The following WAC variants were observed in gnomAD, a reference collection of about 807,000 sequenced individuals.
WAC encodes WW domain containing adaptor with coiled-coil.
A neutral mutation model predicts 79.6 loss-of-function variants in WAC; 11 were observed. The ratio of observed to expected loss-of-function variants is 0.14; its 90% CI spans 0.09 to 0.23. The LOEUF is 0.23. WAC is among the 10% of genes least tolerant of loss of function. WAC has a pLI of 1.00. For synonymous variants in WAC, 304 were observed against 276.9 expected (o/e 1.10, Z -0.97); for missense variants, 728 against 773.5 (o/e 0.94, Z 0.70).
Position 28,534,028 on chromosome 10 carries a change from T to A in WAC, c.72T>A (p.Pro24=). 6.3e-7 allele frequency: 1 copy of A among 1,590,286 alleles called. No individual in the cohort carries two copies. Among genetic ancestry groups the A allele is most frequent in the South Asian group, 1.1e-5 (1 of 89,550 alleles). The change falls in exon 2 of 14, where the codon CCT becomes CCA. Residue 24 remains proline, a synonymous_variant. Coordinates refer to ENST00000354911, the MANE Select transcript of WAC (RefSeq NM_016628.5). ...GCHDRRGDSQ[P]YQALKYSSKS... ...ACGACCGGAGGGGGGACTCGCAGCC[T>A]TACCAGGTACCAGCCGAGGCCGGGG...
chr10:28,616,075 ATCTT>A, intron 11 of WAC, 94 bp from the exon 12 acceptor site: 6 of 967,602 alleles, frequency 6.2e-6, no homozygotes, highest in Non-Finnish European at 8.8e-6. Flanking sequence ...GAATTTGGAT[ATCTT>A]TAAGTTAATA....
At chr10:28,612,049 A>T (rs1177719995) in intron 10 of WAC, 127 bp downstream of exon 10, 14 of 1,122,546 alleles carry the variant, frequency 1.2e-5, no homozygotes, top group African/African-American at 1.6e-5. Context: ...AATGACAGGT[A>T]TGATAGTAGA....
intron 2 of WAC, among the ~76,000 whole-genome samples, chr10:28,535,048 C>A (rs1341747029): frequency 6.6e-6 from 1 of 151,066 alleles, no homozygotes; most frequent in East Asian, 1.9e-4. Flanking sequence ...TTTCCCACAC[C>A]TGGGAGAGTA....
intron 4 of WAC, chr10:28,589,049 T>C (rs1839966714): frequency 6.6e-6 from 1 of 152,216 alleles, no homozygotes; most frequent in African/African-American, 2.4e-5. Context: ...ATCTTTCTAA[T>C]TTCATTATGT....
rs1170520469 is a variant in WAC at position 28,617,804 on chromosome 10, A to G, written c.1874+20A>G. On this transcript the variant is annotated intron_variant, in intron 13 of 13. Transcript: ENST00000354911. Reference sequence around the variant, plus strand: ...GCAAAGGTAAGTCTTTCACTGAAATATATTTTTATGTTTCTCAGGATTATG... The same window carrying G: ...GCAAAGGTAAGTCTTTCACTGAAATGTATTTTTATGTTTCTCAGGATTATG... The G allele has an allele frequency of 1.9e-6, 3 of 1,563,916 alleles. No homozygotes were observed. In the East Asian group the frequency reaches 6.8e-5, roughly 36 times the overall value.
chr10:28,551,197 G>A (rs1837649081), intron 3 of WAC, among the ~76,000 whole-genome samples: 1 of 152,148 alleles, frequency 6.6e-6, no homozygotes. Flanking sequence ...TTACACATCC[G>A]TAAAACTTCT....
chr10:28,601,647 A>G (rs1305311764), intron 7 of WAC, among the ~76,000 whole-genome samples: 2 of 152,198 alleles, frequency 1.3e-5, no homozygotes, highest in Non-Finnish European at 2.9e-5. Context: ...TTAGATAGAA[A>G]CAATCAAGTG....
rs569800060 is a variant in WAC at position 28,617,687 on chromosome 10, A to T, written c.1777A>T (p.Met593Leu). The change falls in exon 13 of 14, where the codon ATG (methionine) becomes TTG (leucine). Residue 593 changes from methionine (M) to leucine (L), a missense_variant. Transcript: ENST00000354911. ...ASRLREEAHNMGTIHMSEICT... is the reference protein window; with the variant it reads ...ASRLREEAHNLGTIHMSEICT... Reference sequence around the variant, plus strand: ...AAGATTACGCGAAGAAGCGCATAACATGGGAACTATTCACATGTCCGAAAT... The same window carrying T: ...AAGATTACGCGAAGAAGCGCATAACTTGGGAACTATTCACATGTCCGAAAT... 11 of 1,592,714 alleles carry T rather than the reference A, an allele frequency of 6.9e-6. No homozygotes were observed. Among genetic ancestry groups the T allele is most frequent in the Non-Finnish European group, 8.5e-6 (10 of 1,173,854 alleles).
In WAC at chr10:28,573,424, T is replaced by TA. The variant is rs1272123631; in HGVS notation, c.275-9974dup. Among the ~76,000 whole-genome samples the TA allele has an allele frequency of 3.9e-5, 6 of 152,234 alleles. No homozygotes were observed. The South Asian group carries it at 1.0e-3, about 26-fold the overall frequency. On this transcript the variant is annotated intron_variant, in intron 3 of 13. Coordinates refer to ENST00000354911, the MANE Select transcript of WAC (RefSeq NM_016628.5). ...TCTTTTGTGACTGGCTTCTTTCACT[T>TA]AGTGTTTGCAAAGCTCACCCATATT...
At chr10:28,594,985 G>A (rs1249889768) in intron 6 of WAC, among the ~76,000 whole-genome samples, 3 of 152,126 alleles carry the variant, frequency 2.0e-5, no homozygotes, top group Non-Finnish European at 4.4e-5. Flanking sequence ...AAGTATTTTT[G>A]TGGCTTTAAA....
intron 3 of WAC, among the ~76,000 whole-genome samples, chr10:28,579,143 CT>C (rs1296708252): frequency 1.3e-4 from 20 of 151,846 alleles, no homozygotes; most frequent in African/African-American, 3.6e-4. Context: ...ATCCCACTTA[CT>C]CACTGATACA....
At position 28,622,630 on chromosome 10, in the gene WAC, T is replaced by C. The variant is rs1841733936; in HGVS notation, c.*3024T>C. The C allele has an allele frequency of 1.3e-5, 2 of 152,170 alleles. No homozygotes were observed. The highest frequency in any genetic ancestry group is 4.1e-4 in the South Asian group (2 of 4,828). The allele number at this position is 152,170 out of a possible 1,614,324, so 9.4% of individuals were successfully genotyped here. A position where few individuals can be genotyped will look rare whatever the true frequency, so the allele number is the denominator to read the frequency against. On this transcript the variant is annotated 3_prime_UTR_variant, in exon 14 of 14. Transcript: ENST00000354911. Reference sequence around the variant, plus strand: ...CCAGACTAAAAACATGCTTCAGCCCTGTTTCAAGACATTATGCTTCTTTTA... The same window carrying C: ...CCAGACTAAAAACATGCTTCAGCCCCGTTTCAAGACATTATGCTTCTTTTA...
chr10:28,549,748 A>G (rs921621047), intron 3 of WAC, among the ~76,000 whole-genome samples: 5 of 152,224 alleles, frequency 3.3e-5, no homozygotes, highest in Non-Finnish European at 7.3e-5. Context: ...TATACTTATC[A>G]GATACATTTT....
At chr10:28,599,007 T>G (rs992696662) in intron 7 of WAC, among the ~76,000 whole-genome samples, 3 of 152,204 alleles carry the variant, frequency 2.0e-5, no homozygotes, top group Non-Finnish European at 4.4e-5. Context: ...ACTTTAATCT[T>G]TACAGATTGT....
intron 3 of WAC, among the ~76,000 whole-genome samples, chr10:28,560,811 T>C (rs1838263149): frequency 6.6e-6 from 1 of 152,092 alleles, no homozygotes; most frequent in African/African-American, 2.4e-5. Context: ...AGTGAAGGGG[T>C]GTTGCCAGCT....
chr10:28,574,832 G>GCT (rs1208281465), intron 3 of WAC, among the ~76,000 whole-genome samples: 1 of 152,090 alleles, frequency 6.6e-6, no homozygotes, highest in Non-Finnish European at 1.5e-5. Context: ...GGGATTGCTG[G>GCT]CTCATATAAC....
At chr10:28,558,580 A>G (rs1304080311) in intron 3 of WAC, among the ~76,000 whole-genome samples, 1 of 152,194 alleles carries the variant, frequency 6.6e-6, no homozygotes, top group Non-Finnish European at 1.5e-5. Context: ...TGTAAAAAAA[A>G]ATTATGTAAG....
intron 3 of WAC, among the ~76,000 whole-genome samples, chr10:28,575,322 T>C (rs369687577): frequency 3.1e-4 from 47 of 152,294 alleles, no homozygotes; most frequent in African/African-American, 1.0e-3. Context: ...GAGTACCCAA[T>C]GTTTTGTTTG....
chr10:28,550,608 A>G (rs1837613854), intron 3 of WAC, among the ~76,000 whole-genome samples: 1 of 152,212 alleles, frequency 6.6e-6, no homozygotes, highest in African/African-American at 2.4e-5. Flanking sequence ...GTCATTTGAC[A>G]TATTCAGGAA....
Sources: allele counts gnomAD v4.1 joint callset (sites outside exome capture counted in the v4.1 genomes callset), GRCh38; gene constraint gnomAD v4.1.1; transcripts MANE v1.5; gene names NCBI Gene and HGNC (gene_info 2026-07-23, HGNC 2026-07-21).